STK32B: variants seen among roughly 807,000 people sequenced by gnomAD.
The protein encoded by STK32B is serine/threonine kinase 32B.
In STK32B, 43 loss-of-function variants were observed where a neutral mutation model predicts 52.6. The observed-to-expected ratio is 0.82, with a 90% confidence interval of 0.64 to 1.05. The LOEUF (loss-of-function observed/expected upper bound fraction) is 1.05. Among genes scored for constraint, STK32B ranks in the 50% least tolerant of loss-of-function variants. The pLI, the probability that STK32B is intolerant of heterozygous loss-of-function variation, is 0.00. For missense variants in STK32B, 621 were observed against 534.6 expected, an observed-to-expected ratio of 1.16 and a Z score of -1.59; for synonymous variants, 238 against 204.3, an observed-to-expected ratio of 1.17 and a Z score of -1.41.
At chr4:5,383,175 G>C (rs982610920) in intron 4 of STK32B, among the ~76,000 whole-genome samples, 1 of 152,162 alleles carries the variant, frequency 6.6e-6, no homozygotes, top group African/African-American at 2.4e-5. Context: ...GGGTGTCCGG[G>C]CCTGGAGGGT....
At chr4:5,342,548 T>A (rs919287963) in intron 4 of STK32B, among the ~76,000 whole-genome samples, 2 of 152,080 alleles carry the variant, frequency 1.3e-5, no homozygotes, top group Non-Finnish European at 1.5e-5. Context: ...TCGTGATAAT[T>A]TACTGACTAT....
intron 3 of STK32B, among the ~76,000 whole-genome samples, chr4:5,278,530 C>A (rs988562945): frequency 3.3e-5 from 5 of 152,128 alleles, no homozygotes; most frequent in African/African-American, 1.2e-4. Context: ...ATCTGTCCGT[C>A]AGCACAAGAG....
intron 11 of STK32B, among the ~76,000 whole-genome samples, chr4:5,495,456 T>C (rs1011402615): frequency 2.0e-5 from 3 of 152,210 alleles, no homozygotes; most frequent in African/African-American, 4.8e-5. Flanking sequence ...TCTCTATTGG[T>C]TATTCTAGTT....
chr4:5,105,774 A>G (rs769062688), intron 1 of STK32B, among the ~76,000 whole-genome samples: 48 of 151,958 alleles, frequency 3.2e-4, no homozygotes, highest in Admixed American at 7.8e-4. Context: ...TGTGTTAGCC[A>G]GGATGGTCTC....
At position 5,468,076 on chromosome 4, in the gene STK32B, T is replaced by C; in HGVS notation, c.1106+6T>C. The stretch of plus-strand genomic sequence containing the variant: ...ATCATATTCAACAGAGAGAAGTAAG[T>C]CCTTCATACTGTCCCCCTTGGGCAA... On this transcript the variant is annotated splice_donor_region_variant and intron_variant, in intron 11 of 11. Coordinates refer to ENST00000282908, the MANE Select transcript of STK32B (RefSeq NM_018401.3). 2 of 1,613,982 alleles carry C rather than the reference T, an allele frequency of 1.2e-6. No individual in the cohort carries two copies. The highest frequency in any genetic ancestry group is 1.7e-6 in the Non-Finnish European group (2 of 1,179,868).
At chr4:5,056,089 A>G (rs1294723784) in intron 1 of STK32B, among the ~76,000 whole-genome samples, 2 of 152,132 alleles carry the variant, frequency 1.3e-5, no homozygotes, top group East Asian at 3.9e-4. Context: ...GCCTCCTGTC[A>G]GATCAGCAGC....
chr4:5,316,636 A>AAT lies in STK32B; in HGVS notation c.261-14579_261-14578dup, dbSNP rs1553870975. Among the ~76,000 whole-genome samples, 3 of 3,368 alleles carry AAT rather than the reference A, an allele frequency of 8.9e-4. 1 individual carries two copies. In the African/African-American group the frequency reaches 0.011, roughly 12 times the overall value. The allele number at this position is 3,368 out of a possible 152,430, so 2.2% of individuals were successfully genotyped here. ...ATTATATATTATATATATAATATAT[A>AAT]ATATATTATATATATAATATATAAT... On this transcript the variant is annotated intron_variant, in intron 3 of 11. Transcript: ENST00000282908.
chr4:5,484,920 A>T (rs938584145), intron 11 of STK32B, among the ~76,000 whole-genome samples: 2 of 151,836 alleles, frequency 1.3e-5, no homozygotes, highest in South Asian at 4.2e-4. Flanking sequence ...ATTGGCCCCC[A>T]CTCTCTTTTG....
At chr4:5,225,735 G>C (rs1723822531) in intron 3 of STK32B, among the ~76,000 whole-genome samples, 2 of 152,164 alleles carry the variant, frequency 1.3e-5, no homozygotes, top group Admixed American at 6.5e-5. Context: ...TAGCTGGAAG[G>C]GCTCAAGGAA....
chr4:5,459,282 G>GCCCC (rs55688341), intron 8 of STK32B, among the ~76,000 whole-genome samples: 15 of 133,102 alleles, frequency 1.1e-4, no homozygotes, highest in African/African-American at 3.4e-4. Context: ...ACCCTGGTGT[G>GCCCC]CCCCCCCCCC....
intron 2 of STK32B, among the ~76,000 whole-genome samples, chr4:5,158,201 C>T (rs558813383): frequency 2.6e-5 from 4 of 152,250 alleles, no homozygotes; most frequent in South Asian, 4.2e-4. Context: ...AATGACGTCT[C>T]CTTCCATCCA....
At chr4:5,173,735 A>G (rs1294395170) in intron 3 of STK32B, among the ~76,000 whole-genome samples, 1 of 152,154 alleles carries the variant, frequency 6.6e-6, no homozygotes, top group Non-Finnish European at 1.5e-5. Flanking sequence ...TATGTGGTCA[A>G]TTTTGGAATA....
intron 3 of STK32B, among the ~76,000 whole-genome samples, chr4:5,330,428 A>G (rs1252349554): frequency 2.0e-5 from 3 of 152,164 alleles, no homozygotes; most frequent in Admixed American, 6.5e-5. Flanking sequence ...TCAATTTTCT[A>G]CTGTTTCAAA....
intron 4 of STK32B, among the ~76,000 whole-genome samples, chr4:5,335,408 T>A (rs1222815193): frequency 6.6e-6 from 1 of 152,196 alleles, no homozygotes; most frequent in African/African-American, 2.4e-5. Flanking sequence ...ATCAGTTTTG[T>A]TGATCCTTTC....
In STK32B at chr4:5,445,810, A is replaced by T. The variant is rs1354592908; in HGVS notation, c.563-863A>T. 2.0e-5 allele frequency among the ~76,000 whole-genome samples: 3 copies of T among 152,124 alleles called. No individual in the cohort carries two copies. In the East Asian group the frequency reaches 5.8e-4, roughly 29 times the overall value. The stretch of plus-strand genomic sequence containing the variant: ...AAAGGAAAACCGGTACCCATGAAGG[A>T]GGTGCACCCACCCTCCCTTCCCCAC... On this transcript the variant is annotated intron_variant, in intron 6 of 11. Coordinates refer to ENST00000282908, the MANE Select transcript of STK32B (RefSeq NM_018401.3).
chr4:5,422,694 G>A (rs978884178), intron 6 of STK32B, among the ~76,000 whole-genome samples: 1 of 152,164 alleles, frequency 6.6e-6, no homozygotes, highest in Non-Finnish European at 1.5e-5. Flanking sequence ...GGGCTGCAGA[G>A]CGGGGTACTG....
chr4:5,239,515 G>C (rs558057939), intron 3 of STK32B, among the ~76,000 whole-genome samples: 1 of 152,190 alleles, frequency 6.6e-6, no homozygotes, highest in East Asian at 1.9e-4. Context: ...ATGGGCTCTG[G>C]CTCTCCCTAA....
intron 3 of STK32B, among the ~76,000 whole-genome samples, chr4:5,196,226 A>C (rs190362240): frequency 6.6e-6 from 1 of 151,764 alleles, no homozygotes; most frequent in African/African-American, 2.4e-5. Context: ...CACAGCCTAC[A>C]TGCTCAATGA....
In STK32B at chr4:5,129,879, T is replaced by G. The variant is rs116077307; in HGVS notation, c.53-10026T>G. ...AATATTTATTCATTCACTTGTTCTT[T>G]CTTTTTTTATTCAGTAAATATTTAT... On this transcript the variant is annotated intron_variant, in intron 1 of 11. Coordinates refer to ENST00000282908, the MANE Select transcript of STK32B (RefSeq NM_018401.3). Among the ~76,000 whole-genome samples, 541 of 152,302 alleles carry G rather than the reference T, an allele frequency of 3.6e-3. 2 individuals are homozygous for G. Among genetic ancestry groups the G allele is most frequent in the African/African-American group, 0.013 (528 of 41,562 alleles).
Sources: allele counts gnomAD v4.1 joint callset (sites outside exome capture counted in the v4.1 genomes callset), GRCh38; gene constraint gnomAD v4.1.1; transcripts MANE v1.5; gene names NCBI Gene and HGNC (gene_info 2026-07-23, HGNC 2026-07-21).